The following RYR3 variants were observed in gnomAD, a reference collection of about 807,000 sequenced individuals.
The protein encoded by RYR3 is brain ryanodine receptor-calcium release channel.
A neutral mutation model predicts 584.3 loss-of-function variants in RYR3; 207 were observed. The observed-to-expected ratio is 0.35, with a 90% CI of 0.32 to 0.40. The LOEUF is 0.40. Among genes scored for constraint, RYR3 ranks in the 10% least tolerant of loss-of-function variants. RYR3 has a pLI of 1.00. For missense variants in RYR3, 5,616 were observed against 6,089.2 expected (o/e 0.92, Z 2.59); for synonymous variants, 2,416 against 2,248.5 (o/e 1.07, Z -2.11).
At position 33,854,445 on chromosome 15, in the gene RYR3, A is replaced by G; in HGVS notation, c.13856A>G (p.Asp4619Gly). Reference protein sequence around the residue: ...HIWKLGVVFTDNSFLYLAWYT... With the variant: ...HIWKLGVVFTGNSFLYLAWYT... ...TGGAAGCTTGGAGTTGTTTTTACTG[A>G]CAACGTAAGTACTGCACCTGGAAAA... The change falls in exon 97 of 104, where the codon GAC (aspartate) becomes GGC (glycine). Residue 4619 changes from aspartate to glycine, a missense_variant. Physicochemically the swap from Asp to Gly is moderately conservative, Grantham distance 94 (BLOSUM62 -1). This residue lies in a region of RYR3 where 918 missense variants were observed against 887.4 expected (regional missense o/e 1.03). Coordinates refer to ENST00000634891, the MANE Select transcript of RYR3 (RefSeq NM_001036.6). The G allele has an allele frequency of 6.4e-7, 1 of 1,572,096 alleles. No individual in the cohort carries two copies.
chr15:33,619,113 G>A (rs1566796006), intron 19 of RYR3, among the ~76,000 whole-genome samples: 1 of 152,208 alleles, frequency 6.6e-6, no homozygotes, highest in Admixed American at 6.5e-5. Context: ...TCTAAGGACA[G>A]AGTCGCTTAC....
intron 1 of RYR3, among the ~76,000 whole-genome samples, chr15:33,373,465 T>C (rs1450478739): frequency 6.6e-6 from 1 of 152,242 alleles, no homozygotes; most frequent in Non-Finnish European, 1.5e-5. Flanking sequence ...AAATTATGTA[T>C]GCAAAGGGTC....
intron 34 of RYR3, among the ~76,000 whole-genome samples, chr15:33,661,455 C>T (rs1273619106): frequency 2.6e-5 from 4 of 152,162 alleles, no homozygotes; most frequent in Non-Finnish European, 5.9e-5. Context: ...GTAGATTGGA[C>T]TTTATACAAA....
rs145650523 is a variant in RYR3 at position 33,744,119 on chromosome 15, G to A, written c.7899+1675G>A. The stretch of plus-strand genomic sequence containing the variant: ...CTCTGCCTGAGCCTGCCAGATACCC[G>A]CCTGTACTCACACACATTCTCACAG... On this transcript the variant is annotated intron_variant, in intron 52 of 103. Transcript: ENST00000634891. 3.3e-5 allele frequency among the ~76,000 whole-genome samples: 5 copies of A among 151,906 alleles called. 1 individual carries two copies. The highest frequency in any genetic ancestry group is 4.2e-4 in the South Asian group (2 of 4,816).
intron 2 of RYR3, among the ~76,000 whole-genome samples, chr15:33,477,523 G>A (rs1318426598): frequency 1.4e-5 from 2 of 144,110 alleles, no homozygotes; most frequent in Admixed American, 7.0e-5. Flanking sequence ...CTATTATTCA[G>A]CTCCCTTTCA....
chr15:33,725,540 C>T (rs1172775060), intron 45 of RYR3, among the ~76,000 whole-genome samples: 6 of 152,126 alleles, frequency 3.9e-5, no homozygotes, highest in Non-Finnish European at 5.9e-5. Context: ...CTACTCAAGC[C>T]GGGATAACTC....
chr15:33,452,325 C>T (rs1249771106), intron 1 of RYR3, among the ~76,000 whole-genome samples: 6 of 152,214 alleles, frequency 3.9e-5, no homozygotes, highest in East Asian at 1.9e-4. Flanking sequence ...GGCTTTGGAT[C>T]GGTAATCTAT....
At chr15:33,550,387 T>C in intron 10 of RYR3, 71 bp downstream of exon 10, 3 of 1,440,336 alleles carry the variant, frequency 2.1e-6, no homozygotes, top group Non-Finnish European at 9.3e-7. Flanking sequence ...GGCAGAACTA[T>C]AACTGGAAAA....
intron 2 of RYR3, among the ~76,000 whole-genome samples, chr15:33,493,611 C>T (rs2051162853): frequency 6.6e-6 from 1 of 152,194 alleles, no homozygotes; most frequent in Non-Finnish European, 1.5e-5. Context: ...CACCTATTGG[C>T]ACCTTAGCTT....
chr15:33,690,972 A>C (rs1251149312), intron 38 of RYR3, among the ~76,000 whole-genome samples: 1 of 152,210 alleles, frequency 6.6e-6, no homozygotes, highest in African/African-American at 2.4e-5. Flanking sequence ...TGTCTGACTT[A>C]ATTGAAGGCA....
intron 60 of RYR3, among the ~76,000 whole-genome samples, chr15:33,766,274 C>G (rs1456756901): frequency 1.4e-5 from 2 of 146,226 alleles, no homozygotes; most frequent in East Asian, 2.0e-4. Context: ...GACAGTGAGT[C>G]TCCACCTCAA....
intron 1 of RYR3, among the ~76,000 whole-genome samples, chr15:33,361,223 GAC>G (rs1974723202): frequency 6.6e-6 from 1 of 152,156 alleles, no homozygotes; most frequent in Non-Finnish European, 1.5e-5. Flanking sequence ...CTTTGGTAAA[GAC>G]ACCCCTTTCT....
Position 33,652,893 on chromosome 15 carries a change from G to A in RYR3, c.4308+10G>A. ...GGGCACCTGCTACCAGGTAAGGGCG[G>A]CTTCTGGGGCCGAAACAGGGCTATC... On this transcript the variant is annotated intron_variant, in intron 32 of 103. Coordinates refer to ENST00000634891, the MANE Select transcript of RYR3 (RefSeq NM_001036.6). 1.2e-6 allele frequency: 2 copies of A among 1,600,614 alleles called. No individual in the cohort carries two copies. The highest frequency in any genetic ancestry group is 1.7e-6 in the Non-Finnish European group (2 of 1,173,188).
chr15:33,514,931 G>A (rs2053376172), intron 3 of RYR3, among the ~76,000 whole-genome samples: 1 of 152,094 alleles, frequency 6.6e-6, no homozygotes, highest in Admixed American at 6.5e-5. Context: ...GTGAACCCGG[G>A]AGGCGGAGCT....
chr15:33,544,597 C>T (rs1243355086), intron 8 of RYR3, among the ~76,000 whole-genome samples: 1 of 152,272 alleles, frequency 6.6e-6, no homozygotes, highest in Non-Finnish European at 1.5e-5. Flanking sequence ...TGCTGACTCT[C>T]CATCAGGGAC....
intron 38 of RYR3, among the ~76,000 whole-genome samples, chr15:33,675,513 A>C (rs900528735): frequency 6.6e-6 from 1 of 152,214 alleles, no homozygotes; most frequent in African/African-American, 2.4e-5. Flanking sequence ...TGAGATAGTT[A>C]TGAGCACAGG....
intron 67 of RYR3, among the ~76,000 whole-genome samples, chr15:33,789,986 C>CTTTTTTTTTTGTT (rs2075051349): frequency 1.9e-5 from 1 of 53,250 alleles, no homozygotes; most frequent in Non-Finnish European, 3.1e-5. Flanking sequence ...GCCTGGCCTT[C>CTTTTTTTTTTGTT]TTTTTTTTTT....
At chr15:33,813,617 C>T (rs117187697) in intron 74 of RYR3, 38 bp downstream of exon 74, 30,228 of 1,475,378 alleles carry the variant, frequency 0.02, 352 homozygotes, top group Non-Finnish European at 0.023. Context: ...TGTAAGCCAG[C>T]GATGGGAATG....
chr15:33,521,692 G>A (rs759659292), intron 3 of RYR3, among the ~76,000 whole-genome samples: 1 of 152,116 alleles, frequency 6.6e-6, no homozygotes, highest in African/African-American at 2.4e-5. Flanking sequence ...GGTGTCGAAG[G>A]TGGGGCTCCC....
Sources: allele counts gnomAD v4.1 joint callset (sites outside exome capture counted in the v4.1 genomes callset), GRCh38; gene constraint gnomAD v4.1.1; regional missense constraint gnomAD v4.1.1; transcripts MANE v1.5; gene names NCBI Gene and HGNC (gene_info 2026-07-23, HGNC 2026-07-21).